Variants in SPAG16 observed in about 807,000 individuals in gnomAD.
SPAG16 encodes sperm associated antigen 16.
A neutral mutation model predicts 80.4 loss-of-function variants in SPAG16; 86 were observed. The ratio of observed to expected loss-of-function variants is 1.07; its 90% CI spans 0.90 to 1.28. The LOEUF (loss-of-function observed/expected upper bound fraction) is 1.28. SPAG16 is among the 50% of genes most tolerant of loss of function. SPAG16 has a pLI of 0.00. For synonymous variants in SPAG16, 294 were observed against 265.9 expected (o/e 1.11, Z -1.03); for missense variants, 870 against 765.3 (o/e 1.14, Z -1.61).
At chr2:214,181,236 A>T (rs1204071596) in intron 15 of SPAG16, among the ~76,000 whole-genome samples, 1 of 151,802 alleles carries the variant, frequency 6.6e-6, no homozygotes, top group Non-Finnish European at 1.5e-5. Context: ...GAGAAATGTG[A>T]TTTTTATATT....
At chr2:213,703,851 T>C (rs1431044739) in intron 10 of SPAG16, among the ~76,000 whole-genome samples, 1 of 152,244 alleles carries the variant, frequency 6.6e-6, no homozygotes, top group Non-Finnish European at 1.5e-5. Flanking sequence ...CAGATCTGCA[T>C]TGCAGTCTGG....
At chr2:213,959,774 C>A (rs1276786999) in intron 12 of SPAG16, among the ~76,000 whole-genome samples, 5 of 152,166 alleles carry the variant, frequency 3.3e-5, no homozygotes, top group Admixed American at 3.3e-4. Context: ...GTTTCATGCA[C>A]TTTGGTTTCA....
At chr2:214,321,482 G>C (rs116569547) in intron 15 of SPAG16, among the ~76,000 whole-genome samples, 73 of 152,262 alleles carry the variant, frequency 4.8e-4, no homozygotes, top group African/African-American at 1.7e-3. Context: ...CAAAGTGTGC[G>C]TTCAACCTAC....
At chr2:213,803,880 A>C (rs1466518831) in intron 10 of SPAG16, among the ~76,000 whole-genome samples, 1 of 152,150 alleles carries the variant, frequency 6.6e-6, no homozygotes, top group African/African-American at 2.4e-5. Flanking sequence ...AAACAAACAA[A>C]TCAGCCAGAC....
chr2:214,402,548 T>TAA (rs927569732), intron 15 of SPAG16, among the ~76,000 whole-genome samples: 2 of 152,014 alleles, frequency 1.3e-5, no homozygotes, highest in African/African-American at 4.8e-5. Flanking sequence ...AAATATTATT[T>TAA]GGGTGAGGCT....
chr2:214,308,504 G>A (rs560004285), intron 15 of SPAG16, among the ~76,000 whole-genome samples: 199 of 152,238 alleles, frequency 1.3e-3, no homozygotes, highest in African/African-American at 4.6e-3. Flanking sequence ...ACTTAAGTGT[G>A]TATTTGTAGT....
Position 214,022,150 on chromosome 2 carries a change from T to A in SPAG16, c.1527+8073T>A, listed in dbSNP as rs572429334. 1.2e-3 allele frequency among the ~76,000 whole-genome samples: 189 copies of A among 152,192 alleles called. 1 individual carries two copies. The highest frequency in any genetic ancestry group is 4.3e-3 in the African/African-American group (180 of 41,524). Reference sequence around the variant, plus strand: ...GGCGAATGAGACATTTTTTTCTCCATAAAAAGACAAGCCTTACCAATTAGC... The same window carrying A: ...GGCGAATGAGACATTTTTTTCTCCAAAAAAAGACAAGCCTTACCAATTAGC... On this transcript the variant is annotated intron_variant, in intron 13 of 15. Coordinates refer to ENST00000331683, the MANE Select transcript of SPAG16 (RefSeq NM_024532.5).
chr2:213,625,659 TTAC>T (rs148476903), intron 10 of SPAG16, among the ~76,000 whole-genome samples: 8 of 146,952 alleles, frequency 5.4e-5, no homozygotes, highest in African/African-American at 2.5e-5. Context: ...TTTGTTGTTG[TTAC>T]TGTTCTTTTT....
chr2:214,410,022 G>A (rs779754373), intron 15 of SPAG16, 118 bp from the exon 16 acceptor site: 47 of 1,050,006 alleles, frequency 4.5e-5, no homozygotes, highest in Non-Finnish European at 5.8e-5. Context: ...TTTAATAACT[G>A]ACCCCTAACA....
At chr2:213,610,397 A>G (rs914585919) in intron 10 of SPAG16, among the ~76,000 whole-genome samples, 1 of 152,150 alleles carries the variant, frequency 6.6e-6, no homozygotes, top group Non-Finnish European at 1.5e-5. Flanking sequence ...TCTGAAAGAA[A>G]CACTTACCAT....
At chr2:213,796,868 A>G (rs1376453427) in intron 10 of SPAG16, among the ~76,000 whole-genome samples, 3 of 152,132 alleles carry the variant, frequency 2.0e-5, no homozygotes, top group Non-Finnish European at 4.4e-5. Flanking sequence ...GTCCTTCAGG[A>G]GGAATTTCAG....
At chr2:213,482,582 C>T (rs183094677) in intron 9 of SPAG16, among the ~76,000 whole-genome samples, 158 of 151,920 alleles carry the variant, frequency 1.0e-3, no homozygotes, top group African/African-American at 3.6e-3. Context: ...TAAAAATGTT[C>T]ATTTTTATTA....
At chr2:213,916,672 T>C (rs1030423313) in intron 11 of SPAG16, among the ~76,000 whole-genome samples, 4 of 152,142 alleles carry the variant, frequency 2.6e-5, no homozygotes. Flanking sequence ...GCTCCCCCCA[T>C]GACACATGGG....
chr2:213,867,217 CTT>C (rs1245959026), intron 11 of SPAG16, among the ~76,000 whole-genome samples: 5 of 152,170 alleles, frequency 3.3e-5, no homozygotes, highest in Non-Finnish European at 7.3e-5. Flanking sequence ...ATAAAGCACT[CTT>C]TGCATTTACT....
chr2:214,138,400 G>A (rs949289957), intron 14 of SPAG16, among the ~76,000 whole-genome samples: 3 of 152,048 alleles, frequency 2.0e-5, no homozygotes, highest in African/African-American at 7.2e-5. Context: ...CCCTGGTACT[G>A]GGAAAGCACC....
At chr2:214,153,159 G>T (rs1176531855) in intron 15 of SPAG16, among the ~76,000 whole-genome samples, 3 of 151,996 alleles carry the variant, frequency 2.0e-5, no homozygotes, top group Non-Finnish European at 4.4e-5. Context: ...TTTCGCTACC[G>T]CTAGACCACG....
intron 10 of SPAG16, among the ~76,000 whole-genome samples, chr2:213,779,607 C>A (rs1217036599): frequency 6.6e-6 from 1 of 152,052 alleles, no homozygotes; most frequent in Non-Finnish European, 1.5e-5. Flanking sequence ...ATTATCATTC[C>A]CTGAATAGGG....
At chr2:213,788,942 T>C (rs1559470129) in intron 10 of SPAG16, among the ~76,000 whole-genome samples, 2 of 151,926 alleles carry the variant, frequency 1.3e-5, no homozygotes, top group Non-Finnish European at 2.9e-5. Context: ...AGTAGTATAA[T>C]TCCTTCTCTC....
intron 10 of SPAG16, among the ~76,000 whole-genome samples, chr2:213,571,635 G>A (rs1157535797): frequency 3.5e-4 from 8 of 22,840 alleles, no homozygotes; most frequent in African/African-American, 1.5e-3. Context: ...TTCCCTTTGA[G>A]GGTAACCCGA....
Sources: gnomAD v4.1 joint callset for allele counts (sites outside exome capture counted in the v4.1 genomes callset) on GRCh38, gnomAD v4.1.1 for gene constraint, MANE v1.5 for transcripts, NCBI Gene and HGNC (gene_info 2026-07-23, HGNC 2026-07-21) for gene names.